The following KANSL1 variants were observed in gnomAD, a reference collection of about 807,000 sequenced individuals.
KANSL1 encodes MLL1/MLL complex subunit KANSL1.
A neutral mutation model predicts 103.6 loss-of-function variants in KANSL1; 22 were observed. The ratio of observed to expected loss-of-function variants is 0.21; its 90% CI spans 0.15 to 0.30. The LOEUF (loss-of-function observed/expected upper bound fraction) is 0.30, where lower values mean the gene tolerates loss of function less well. Among genes scored for constraint, KANSL1 ranks in the 10% least tolerant of loss-of-function variants. KANSL1 has a pLI of 1.00. For synonymous variants in KANSL1, 600 were observed against 527.6 expected (o/e 1.14, Z -1.88); for missense variants, 1,337 against 1,399.8 (o/e 0.96, Z 0.72).
intron 2 of KANSL1, among the ~76,000 whole-genome samples, chr17:46,152,310 A>G (rs2045150791): frequency 6.6e-6 from 1 of 152,238 alleles, no homozygotes; most frequent in Non-Finnish European, 1.5e-5. Context: ...CAGAACACAA[A>G]TAACACCTTT....
intron 2 of KANSL1, among the ~76,000 whole-genome samples, chr17:46,115,627 G>A (rs185238327): frequency 6.6e-6 from 1 of 152,244 alleles, no homozygotes; most frequent in Non-Finnish European, 1.5e-5. Flanking sequence ...TTAAAAACAA[G>A]GCTTTACTAT....
chr17:46,101,508 T>C (rs1241432898), intron 2 of KANSL1, among the ~76,000 whole-genome samples: 1 of 152,092 alleles, frequency 6.6e-6, no homozygotes, highest in East Asian at 1.9e-4. Context: ...TCCCAGCACT[T>C]TGGGAGGCCG....
intron 6 of KANSL1, among the ~76,000 whole-genome samples, chr17:46,059,666 A>AGAGAGAGAGAG (rs1555742615): frequency 1.4e-5 from 2 of 144,664 alleles, no homozygotes; most frequent in Non-Finnish European, 3.0e-5. Context: ...AGAGAGAGAG[A>AGAGAGAGAGAG]AAAGGAAACT....
At chr17:46,150,809 T>C (rs1220084299) in intron 2 of KANSL1, among the ~76,000 whole-genome samples, 1 of 152,178 alleles carries the variant, frequency 6.6e-6, no homozygotes, top group Non-Finnish European at 1.5e-5. Context: ...GAAACAGATG[T>C]TACCACTGCC....
intron 4 of KANSL1, among the ~76,000 whole-genome samples, chr17:46,068,426 G>C (rs1238589540): frequency 6.6e-6 from 1 of 152,018 alleles, no homozygotes; most frequent in Admixed American, 6.6e-5. Flanking sequence ...AATTAGCCGG[G>C]CATGGTGGTG....
chr17:46,184,837 C>CTTTTTTT (rs66507225), intron 1 of KANSL1, among the ~76,000 whole-genome samples: 1 of 128,290 alleles, frequency 7.8e-6, no homozygotes, highest in Non-Finnish European at 1.6e-5. Context: ...AGAGTATGTA[C>CTTTTTTT]TTTTTTTTTT....
chr17:46,173,464 C>T (rs1258562677), intron 1 of KANSL1, among the ~76,000 whole-genome samples: 2 of 152,214 alleles, frequency 1.3e-5, no homozygotes, highest in African/African-American at 4.8e-5. Context: ...CCCCCTTGAT[C>T]TATGTGGTCT....
chr17:46,032,353 G>A, intron 13 of KANSL1, 54 bp from the exon 14 acceptor site: 3 of 1,453,780 alleles, frequency 2.1e-6, no homozygotes, highest in Non-Finnish European at 1.8e-6. Flanking sequence ...ACTTATGGGG[G>A]TAGAGGGCAT....
chr17:46,118,191 G>A (rs575399106), intron 2 of KANSL1, among the ~76,000 whole-genome samples: 28 of 152,300 alleles, frequency 1.8e-4, no homozygotes, highest in Non-Finnish European at 3.7e-4. Context: ...TCATGTTCCC[G>A]ACGTTAGTTT....
intron 2 of KANSL1, among the ~76,000 whole-genome samples, chr17:46,136,341 G>C (rs1396440022): frequency 6.6e-6 from 1 of 152,150 alleles, no homozygotes; most frequent in African/African-American, 2.4e-5. Context: ...TTCACCACAA[G>C]GCTTGGATTA....
At chr17:46,045,440 A>AAAAAAAAAAAAAAATATATATATATATAT (rs950085495) in intron 7 of KANSL1, 33 of 144,976 alleles carry the variant, frequency 2.3e-4, no homozygotes, top group African/African-American at 7.3e-4. Context: ...TACATGTAAA[A>AAAAAAAAAAAAAAATATATATATATATAT]ATATATATAT....
chr17:46,066,858 CAAAG>C (rs534502323), intron 5 of KANSL1, 126 bp from the exon 6 acceptor site: 1,047 of 671,384 alleles, frequency 1.6e-3, no homozygotes, highest in Non-Finnish European at 2.3e-3. Context: ...TGTTCAGACA[CAAAG>C]AAGCATTCTA....
intron 1 of KANSL1, among the ~76,000 whole-genome samples, chr17:46,212,090 G>C (rs920140556): frequency 3.3e-5 from 5 of 152,038 alleles, no homozygotes; most frequent in Admixed American, 3.3e-4. Context: ...ATGTATGTGT[G>C]TGTAATATAT....
At chr17:46,181,482 T>C (rs1215009317) in intron 1 of KANSL1, among the ~76,000 whole-genome samples, 1 of 151,996 alleles carries the variant, frequency 6.6e-6, no homozygotes, top group Non-Finnish European at 1.5e-5. Context: ...CAGGCTGGAG[T>C]GCGATGGCGC....
intron 7 of KANSL1, among the ~76,000 whole-genome samples, chr17:46,047,911 CT>C (rs67892405): frequency 0.22 from 32,747 of 149,238 alleles, 3,991 homozygotes; most frequent in African/African-American, 0.31. Flanking sequence ...CCCTTCCCCA[CT>C]CCCCCCGCCA....
intron 1 of KANSL1, chr17:46,222,968 C>T (rs1212597003): frequency 4.0e-5 from 6 of 150,726 alleles, no homozygotes; most frequent in Non-Finnish European, 8.8e-5. Flanking sequence ...CTTTGGCCAT[C>T]TATGTACAAG....
At chr17:46,128,321 A>C (rs953647191) in intron 2 of KANSL1, among the ~76,000 whole-genome samples, 4 of 152,012 alleles carry the variant, frequency 2.6e-5, no homozygotes, top group Non-Finnish European at 5.9e-5. Context: ...AATTTTATTC[A>C]CTCGATTCAA....
chr17:46,176,041 C>CT (rs1455451035), intron 1 of KANSL1, among the ~76,000 whole-genome samples: 1 of 152,194 alleles, frequency 6.6e-6, no homozygotes, highest in Non-Finnish European at 1.5e-5. Context: ...ATCTCCTCCC[C>CT]TTTTGAATGT....
At chr17:46,195,411 A>G (rs978952767), upstream of KANSL1, among the ~76,000 whole-genome samples, 29 of 152,240 alleles carry the variant, frequency 1.9e-4, 2 homozygotes, top group Admixed American at 1.8e-3. Flanking sequence ...CATTTTTAAA[A>G]CCATGTATTT....
Sources: gnomAD v4.1 joint callset for allele counts (sites outside exome capture counted in the v4.1 genomes callset) on GRCh38, gnomAD v4.1.1 for gene constraint, MANE v1.5 for transcripts, NCBI Gene and HGNC (gene_info 2026-07-23, HGNC 2026-07-21) for gene names.